CUL5: variants seen among roughly 807,000 people sequenced by gnomAD.
CUL5 encodes cullin 5.
In CUL5, 26 loss-of-function variants were observed where a neutral mutation model predicts 108.8. The ratio of observed to expected loss-of-function variants is 0.24; its 90% CI spans 0.18 to 0.33. The LOEUF (loss-of-function observed/expected upper bound fraction) is 0.33. CUL5 is among the 10% of genes least tolerant of loss of function. CUL5 has a pLI of 1.00. For synonymous variants in CUL5, 334 were observed against 298.0 expected (o/e 1.12, Z -1.25); for missense variants, 524 against 909.2 (o/e 0.58, Z 5.45).
chr11:108,105,815 A>G lies in CUL5; in HGVS notation c.*1431A>G, dbSNP rs1455189853. On this transcript the variant is annotated 3_prime_UTR_variant, in exon 19 of 19. Transcript: ENST00000393094. ...TGATGTTAAGTAATATTTTTAAAGT[A>G]TGGTTTTTGAAGATAGTAGGAAATG... is the stretch of plus-strand genomic sequence containing the variant. The G allele has an allele frequency of 6.6e-6, 1 of 152,180 alleles. No homozygotes were observed. The highest frequency in any genetic ancestry group is 6.5e-5 in the Admixed American group (1 of 15,280). 9.4% of individuals were successfully genotyped at this position (152,180 alleles called of 1,614,324 possible).
intron 7 of CUL5, among the ~76,000 whole-genome samples, chr11:108,063,249 G>A (rs1863588554): frequency 6.6e-6 from 1 of 152,124 alleles, no homozygotes; most frequent in Non-Finnish European, 1.5e-5. Flanking sequence ...CTATTTCCAT[G>A]AGTTCAATTG....
intron 1 of CUL5, among the ~76,000 whole-genome samples, chr11:108,031,108 C>A (rs1165191934): frequency 1.3e-5 from 2 of 152,060 alleles, no homozygotes; most frequent in African/African-American, 2.4e-5. Flanking sequence ...TGGCTCATGC[C>A]TGTAATTCTA....
chr11:108,088,778 G>A (rs1209837611), intron 12 of CUL5, 119 bp downstream of exon 12: 2 of 777,172 alleles, frequency 2.6e-6, no homozygotes, highest in South Asian at 3.1e-5. Flanking sequence ...AAGAACTAAT[G>A]TTACGAAGAT....
At chr11:108,056,808 G>T (rs1280724155) in intron 7 of CUL5, among the ~76,000 whole-genome samples, 1 of 152,184 alleles carries the variant, frequency 6.6e-6, no homozygotes, top group East Asian at 1.9e-4. Flanking sequence ...AAAGACAAGG[G>T]AAGAGAGAAA....
intron 3 of CUL5, 186 bp downstream of exon 3, chr11:108,046,555 T>C (rs1441040812): frequency 3.8e-6 from 2 of 521,076 alleles, no homozygotes; most frequent in Non-Finnish European, 6.7e-6. Flanking sequence ...CCCACAGTGA[T>C]ACTTCTGTCA....
chr11:108,073,565 C>A, intron 10 of CUL5, 68 bp downstream of exon 10: 2 of 650,222 alleles, frequency 3.1e-6, no homozygotes, highest in South Asian at 3.1e-5. Flanking sequence ...TTCTAATAAT[C>A]AATTTGCATT....
chr11:108,038,038 T>A (rs552990785), intron 2 of CUL5, among the ~76,000 whole-genome samples: 1 of 152,248 alleles, frequency 6.6e-6, no homozygotes, highest in African/African-American at 2.4e-5. Flanking sequence ...CGAAATGATG[T>A]AGGACCTTGC....
At chr11:108,058,214 A>G (rs1022749797) in intron 7 of CUL5, among the ~76,000 whole-genome samples, 6 of 150,226 alleles carry the variant, frequency 4.0e-5, no homozygotes, top group South Asian at 2.1e-4. Flanking sequence ...GTCTCAAAAA[A>G]AAAAAAAAAA....
intron 2 of CUL5, among the ~76,000 whole-genome samples, chr11:108,039,095 A>T (rs567798805): frequency 1.6e-4 from 24 of 151,720 alleles, no homozygotes; most frequent in South Asian, 6.2e-4. Context: ...ATCTCGGCTC[A>T]CTGCAACCTC....
At chr11:108,076,005 G>A (rs960271983) in intron 10 of CUL5, among the ~76,000 whole-genome samples, 2 of 152,002 alleles carry the variant, frequency 1.3e-5, no homozygotes, top group African/African-American at 4.8e-5. Flanking sequence ...CCAATATACA[G>A]TATAATTTGA....
chr11:108,019,173 T>C (rs1862270993), intron 1 of CUL5, among the ~76,000 whole-genome samples: 1 of 124,260 alleles, frequency 8.0e-6, no homozygotes. Flanking sequence ...CTTGAACATG[T>C]ATGGGTTTTG....
At chr11:108,102,981 A>G (rs1455731152) in intron 18 of CUL5, among the ~76,000 whole-genome samples, 2 of 151,852 alleles carry the variant, frequency 1.3e-5, no homozygotes, top group African/African-American at 2.4e-5. Flanking sequence ...TTTTTTATAG[A>G]GATGGGGTTT....
intron 2 of CUL5, among the ~76,000 whole-genome samples, chr11:108,038,777 A>G (rs754107717): frequency 1.3e-5 from 2 of 152,058 alleles, no homozygotes; most frequent in Admixed American, 6.6e-5. Context: ...CAATAATTAA[A>G]ACCCTTGTAA....
intron 1 of CUL5, among the ~76,000 whole-genome samples, chr11:108,013,725 T>C (rs1339950975): frequency 6.6e-6 from 1 of 152,182 alleles, no homozygotes; most frequent in African/African-American, 2.4e-5. Flanking sequence ...AGTGGACTTT[T>C]TTTTATCCTT....
intron 16 of CUL5, 126 bp downstream of exon 16, chr11:108,095,817 C>A: frequency 1.2e-6 from 1 of 861,194 alleles, no homozygotes; most frequent in Non-Finnish European, 1.8e-6. Context: ...AAATAGAGGC[C>A]GGGCACAGTG....
In CUL5 at chr11:108,054,974, G is replaced by T; in HGVS notation, c.780+19G>T. On this transcript the variant is annotated intron_variant, in intron 7 of 18. Transcript: ENST00000393094. Reference sequence around the variant, plus strand: ...TGAAGCAGTAAGTAATTTTGTAATTGTACATTTTATGGGATTATTTGAAAT... The same window carrying T: ...TGAAGCAGTAAGTAATTTTGTAATTTTACATTTTATGGGATTATTTGAAAT... The T allele has an allele frequency of 6.6e-7, 1 of 1,522,286 alleles. No homozygotes were observed. The highest frequency in any genetic ancestry group is 9.0e-7 in the Non-Finnish European group (1 of 1,110,494). The allele number at this position is 1,522,286 out of a possible 1,614,324, so 94.3% of individuals were successfully genotyped here.
intron 1 of CUL5, among the ~76,000 whole-genome samples, chr11:108,020,048 G>A (rs146980047): frequency 6.6e-6 from 1 of 152,018 alleles, no homozygotes; most frequent in Non-Finnish European, 1.5e-5. Context: ...CACCCCCACT[G>A]GCATTCATCT....
chr11:108,019,009 AC>A (rs1402477759), intron 1 of CUL5, among the ~76,000 whole-genome samples: 1 of 151,792 alleles, frequency 6.6e-6, no homozygotes, highest in African/African-American at 2.4e-5. Flanking sequence ...ATATGTACAG[AC>A]CTTTTTTTCT....
chr11:108,047,697 A>G (rs1863101031), intron 3 of CUL5, among the ~76,000 whole-genome samples: 1 of 152,246 alleles, frequency 6.6e-6, no homozygotes, highest in Admixed American at 6.5e-5. Context: ...TCTGTTTTCA[A>G]GCACTTAGAA....
Sources: gnomAD v4.1 joint callset for allele counts (sites outside exome capture counted in the v4.1 genomes callset) on GRCh38, gnomAD v4.1.1 for gene constraint, MANE v1.5 for transcripts, NCBI Gene and HGNC (gene_info 2026-07-23, HGNC 2026-07-21) for gene names.